Variants in DNAH7 observed in about 807,000 individuals in gnomAD.
The protein encoded by DNAH7 is axonemal beta dynein heavy chain 7.
DNAH7 carries 397 observed loss-of-function variants against 444.6 expected under a neutral mutation model. The ratio of observed to expected loss-of-function variants is 0.89; its 90% CI spans 0.82 to 0.97. DNAH7 has a LOEUF of 0.97. Among genes scored for constraint, DNAH7 ranks in the 50% least tolerant of loss-of-function variants. The pLI is 0.00. For missense variants in DNAH7, 4,902 were observed against 4,800.8 expected (o/e 1.02, Z -0.62); for synonymous variants, 1,636 against 1,624.4 (o/e 1.01, Z -0.17).
At chr2:195,796,362 C>T (rs1043342561) in intron 56 of DNAH7, among the ~76,000 whole-genome samples, 14 of 152,168 alleles carry the variant, frequency 9.2e-5, no homozygotes, top group African/African-American at 3.4e-4. Context: ...GAGCCCTTGT[C>T]CCTGTTAAGA....
At chr2:195,918,390 C>T (rs1028751040) in intron 24 of DNAH7, among the ~76,000 whole-genome samples, 1 of 152,204 alleles carries the variant, frequency 6.6e-6, no homozygotes, top group African/African-American at 2.4e-5. Flanking sequence ...TAAACATAGG[C>T]TTAGTGCATG....
At position 196,001,837 on chromosome 2, in the gene DNAH7, ATTCTGCAC is replaced by A; in HGVS notation, c.1003_1010del (p.Val335TyrfsTer6). On this transcript the variant is annotated frameshift_variant, in exon 11 of 65. Transcript: ENST00000312428. LOFTEE classifies it high-confidence loss of function. ...TTTTTTTATTACCTTGGTAATAAAT[ATTCTGCAC>A]TTCTGGAAACCACCTTGAAAGAACA... 1 of 1,607,886 alleles carries A rather than the reference ATTCTGCAC, an allele frequency of 6.2e-7. No homozygotes were observed. The highest frequency in any genetic ancestry group is 8.5e-7 in the Non-Finnish European group (1 of 1,178,138).
rs1177012202 is a variant in DNAH7, at chr2:195,824,406, A to C, written c.9140T>G (p.Leu3047Trp). The stretch of plus-strand genomic sequence containing the variant: ...GGTTTGTTTTAGTAGAAGAGGTTCC[A>C]AAATAGGATCTAGTTCTTCGCCAAC... ...ENVGEELDPI[L>W]EPLLLKQTFK... Residue 3047 changes from leucine (L) to tryptophan (W), a missense_variant, in exon 49 of 65, where the codon TTG becomes TGG. Leu to Trp is a moderately conservative substitution (Grantham distance 61). Coordinates refer to ENST00000312428, the MANE Select transcript of DNAH7 (RefSeq NM_018897.3). 1.9e-6 allele frequency: 3 copies of C among 1,611,696 alleles called. No homozygotes were observed. Among genetic ancestry groups the C allele is most frequent in the Admixed American group, 3.3e-5 (2 of 59,878 alleles).
chr2:195,870,425 G>C (rs1700609820), intron 40 of DNAH7, among the ~76,000 whole-genome samples: 1 of 152,206 alleles, frequency 6.6e-6, no homozygotes, highest in Non-Finnish European at 1.5e-5. Flanking sequence ...GAGAAAGAGT[G>C]TTCTAGGCAG....
chr2:196,067,910 GAAT>G (rs1204454223), intron 1 of DNAH7, among the ~76,000 whole-genome samples: 4 of 152,126 alleles, frequency 2.6e-5, no homozygotes, highest in Non-Finnish European at 5.9e-5. Context: ...TAGCTAGCCA[GAAT>G]AATGACCACG....
chr2:195,899,488 T>G (rs941310645), intron 28 of DNAH7, among the ~76,000 whole-genome samples: 2 of 152,220 alleles, frequency 1.3e-5, no homozygotes, highest in Non-Finnish European at 2.9e-5. Context: ...TAGTCCCTTT[T>G]GTTTATTGCA....
intron 40 of DNAH7, among the ~76,000 whole-genome samples, chr2:195,866,115 A>G (rs1248573674): frequency 6.6e-6 from 1 of 152,214 alleles, no homozygotes; most frequent in African/African-American, 2.4e-5. Context: ...ATTTTGAGTA[A>G]ATCACTGAAA....
chr2:195,849,106 A>T (rs1377066877), intron 46 of DNAH7, among the ~76,000 whole-genome samples: 1 of 152,188 alleles, frequency 6.6e-6, no homozygotes, highest in Non-Finnish European at 1.5e-5. Context: ...GCATAGATTC[A>T]TCTTTTTCAT....
chr2:195,925,847 C>T (rs998790883), intron 22 of DNAH7, among the ~76,000 whole-genome samples: 5 of 152,114 alleles, frequency 3.3e-5, no homozygotes, highest in African/African-American at 1.2e-4. Flanking sequence ...AATGATAGAA[C>T]TGCTGCAATG....
At position 195,789,667 on chromosome 2, in the gene DNAH7, T is replaced by G. The variant is rs994943383; in HGVS notation, c.10717-2496A>C. On this transcript the variant is annotated intron_variant, in intron 57 of 64. Coordinates refer to ENST00000312428, the MANE Select transcript of DNAH7 (RefSeq NM_018897.3). ...ATTAGTATCATCAATGAGGGACAAA[T>G]GGCATCATGTGCCTCCAGATGTGAT... is the stretch of plus-strand genomic sequence containing the variant. Among the ~76,000 whole-genome samples the G allele has an allele frequency of 2.0e-5, 3 of 152,092 alleles. No homozygotes were observed. The East Asian group carries it at 5.8e-4, about 29-fold the overall frequency.
At chr2:195,968,241 C>T (rs1394829953) in intron 17 of DNAH7, among the ~76,000 whole-genome samples, 1 of 152,062 alleles carries the variant, frequency 6.6e-6, no homozygotes, top group African/African-American at 2.4e-5. Flanking sequence ...CAGCATGTAT[C>T]AGAGTCTCAC....
intron 24 of DNAH7, among the ~76,000 whole-genome samples, chr2:195,915,329 AAAGG>A (rs1687609123): frequency 6.6e-6 from 1 of 152,152 alleles, no homozygotes; most frequent in African/African-American, 2.4e-5. Flanking sequence ...GGAACAAAAG[AAAGG>A]GAGAGAACTT....
chr2:196,057,806 T>C (rs917001777), intron 2 of DNAH7, among the ~76,000 whole-genome samples: 1 of 152,224 alleles, frequency 6.6e-6, no homozygotes, highest in Non-Finnish European at 1.5e-5. Context: ...CAGCAAATTT[T>C]ATTCTGTAAA....
intron 16 of DNAH7, among the ~76,000 whole-genome samples, chr2:195,971,777 C>A (rs1041596444): frequency 6.6e-6 from 1 of 151,822 alleles, no homozygotes; most frequent in Non-Finnish European, 1.5e-5. Context: ...CCCCTCCCCC[C>A]CAAGAAAAAA....
At chr2:195,825,632 T>C (rs1347976044) in intron 48 of DNAH7, among the ~76,000 whole-genome samples, 1 of 152,188 alleles carries the variant, frequency 6.6e-6, no homozygotes, top group African/African-American at 2.4e-5. Context: ...AGAACAGGAA[T>C]CCCTGGATCA....
At chr2:195,786,443 G>A (rs185453150) in intron 58 of DNAH7, among the ~76,000 whole-genome samples, 2 of 152,312 alleles carry the variant, frequency 1.3e-5, no homozygotes, top group South Asian at 2.1e-4. Flanking sequence ...AAAGGGTACC[G>A]CCATGCTGCA....
chr2:195,804,893 A>G (rs769008627), intron 54 of DNAH7, among the ~76,000 whole-genome samples: 6 of 152,164 alleles, frequency 3.9e-5, no homozygotes, highest in Non-Finnish European at 4.4e-5. Flanking sequence ...TAAAATATAT[A>G]TGAAGATGAT....
rs370797041 is a variant in DNAH7, at chr2:196,028,003, G to A, written c.443C>T (p.Thr148Ile). The A allele has an allele frequency of 4.3e-6, 7 of 1,611,714 alleles. No individual in the cohort carries two copies. The highest frequency in any genetic ancestry group is 5.9e-6 in the Non-Finnish European group (7 of 1,178,758). ...DLDSAVPDGS[T>I]IPKPTASAIE... ...AGCAGAAGCGGTCGGTTTTGGAATT[G>A]TGCTTCCATCAGGGACAGCTGAGTC... The change falls in exon 6 of 65, where the codon ACA (threonine) becomes ATA (isoleucine). Residue 148 changes from threonine (T) to isoleucine (I), a missense_variant. Coordinates refer to ENST00000312428, the MANE Select transcript of DNAH7 (RefSeq NM_018897.3).
At chr2:195,908,866 A>C (rs1687193997) in intron 25 of DNAH7, among the ~76,000 whole-genome samples, 1 of 152,188 alleles carries the variant, frequency 6.6e-6, no homozygotes, top group Admixed American at 6.5e-5. Flanking sequence ...TCACAAATGG[A>C]AAGTAATTAA....
Sources: gnomAD v4.1 joint callset for allele counts (sites outside exome capture counted in the v4.1 genomes callset) on GRCh38, gnomAD v4.1.1 for gene constraint, MANE v1.5 for transcripts, NCBI Gene and HGNC (gene_info 2026-07-23, HGNC 2026-07-21) for gene names.